Variants in KANK1 observed in about 807,000 individuals in gnomAD.
KANK1 encodes the protein KN motif and ankyrin repeat domain-containing protein 1.
In KANK1, 109 loss-of-function variants were observed where a neutral mutation model predicts 106.2. The ratio of observed to expected loss-of-function variants is 1.03; its 90% CI spans 0.88 to 1.20. The LOEUF (loss-of-function observed/expected upper bound fraction) is 1.20, where lower values mean the gene tolerates loss of function less well. Among genes scored for constraint, KANK1 ranks in the 50% most tolerant of loss-of-function variants. The pLI is 0.00. For missense variants in KANK1, 2,399 were observed against 1,710.7 expected (o/e 1.40, Z -7.10); for synonymous variants, 873 against 652.2 (o/e 1.34, Z -5.16).
upstream of KANK1, among the ~76,000 whole-genome samples, chr9:502,238 G>A (rs929755913): frequency 0.062 from 2 of 32 alleles, no homozygotes; most frequent in African/African-American, 0.2. Flanking sequence ...TTACTGGGAT[G>A]TCAATGTCTG....
At chr9:631,554 C>G (rs1835744553) in intron 1 of KANK1, among the ~76,000 whole-genome samples, 1 of 152,154 alleles carries the variant, frequency 6.6e-6, no homozygotes, top group Admixed American at 6.5e-5. Context: ...TTCCACATTC[C>G]TCCTCCTCTA....
intron 1 of KANK1, among the ~76,000 whole-genome samples, chr9:592,422 C>G (rs77308595): frequency 2.0e-5 from 3 of 151,682 alleles, no homozygotes; most frequent in Non-Finnish European, 2.9e-5. Flanking sequence ...AATAAATGCC[C>G]GCAGCACTGG....
At chr9:472,887 T>G (rs1032390674) in intron 2 of KANK1, among the ~76,000 whole-genome samples, 12 of 152,146 alleles carry the variant, frequency 7.9e-5, no homozygotes, top group Admixed American at 3.9e-4. Context: ...CTCCTAATGG[T>G]CAGCATGAGA....
chr9:725,788 G>C (rs182837606), intron 3 of KANK1, among the ~76,000 whole-genome samples: 190 of 152,158 alleles, frequency 1.2e-3, no homozygotes, highest in Non-Finnish European at 2.1e-3. Flanking sequence ...CTTGTTATTC[G>C]TTCTTTTTCT....
chr9:497,662 G>T (rs1432383695), intron 3 of KANK1, among the ~76,000 whole-genome samples: 1 of 152,120 alleles, frequency 6.6e-6, no homozygotes, highest in East Asian at 1.9e-4. Flanking sequence ...AGATCAGCCT[G>T]GGAAACATGG....
rs75237003 is a variant in KANK1, at chr9:724,463, A to T, written c.2699-5588A>T. Among the ~76,000 whole-genome samples the T allele has an allele frequency of 6.6e-3, 1,003 of 152,336 alleles. 9 individuals carry two copies. Among genetic ancestry groups the T allele is most frequent in the African/African-American group, 0.023 (961 of 41,578 alleles). On this transcript the variant is annotated intron_variant, in intron 3 of 11. Transcript: ENST00000382297. ...TGCATTTAAAAAGTCATTGTTGGTT[A>T]TTGAAGAGGAAAATGCTTCGTACAA...
At chr9:563,682 T>C (rs1817071570) in intron 1 of KANK1, among the ~76,000 whole-genome samples, 1 of 152,162 alleles carries the variant, frequency 6.6e-6, no homozygotes, top group Non-Finnish European at 1.5e-5. Context: ...GAGTCCAGAA[T>C]TGTAGTTATG....
chr9:617,773 A>G (rs1193476661), intron 1 of KANK1, among the ~76,000 whole-genome samples: 1 of 152,224 alleles, frequency 6.6e-6, no homozygotes, highest in Non-Finnish European at 1.5e-5. Flanking sequence ...GCATGTGCAC[A>G]CTTCAGATTG....
rs754352542 is a variant in KANK1, at chr9:712,640, T to C, written c.1874T>C (p.Val625Ala). 12 of 1,613,878 alleles carry C rather than the reference T, an allele frequency of 7.4e-6. No homozygotes were observed. Among genetic ancestry groups the C allele is most frequent in the Middle Eastern group, 1.6e-4 (1 of 6,084 alleles). The part of the protein sequence containing the change: ...LLKTNLNLKE[V>A]RSIGCGDCSV... Reference sequence around the variant, plus strand: ...AAGACAAACTTGAATCTCAAAGAAGTGCGGTCTATCGGTTGTGGAGATTGT... The same window carrying C: ...AAGACAAACTTGAATCTCAAAGAAGCGCGGTCTATCGGTTGTGGAGATTGT... The change falls in exon 3 of 12, where the codon GTG (valine) becomes GCG (alanine). Residue 625 changes from valine to alanine, a missense_variant. Physicochemically the swap from Val to Ala is moderately conservative, Grantham distance 64. Coordinates refer to ENST00000382297, the MANE Select transcript of KANK1 (RefSeq NM_015158.5).
Position 740,967 on chromosome 9 carries a change from C to T in KANK1, c.3696+33C>T. On this transcript the variant is annotated intron_variant, in intron 9 of 11. Transcript: ENST00000382297. Reference sequence around the variant, plus strand: ...CGCCTGGTTCCTGTGCTCAGGAATGCACCCGTAACCAGCAGACAGGACTGC... The same window carrying T: ...CGCCTGGTTCCTGTGCTCAGGAATGTACCCGTAACCAGCAGACAGGACTGC... 8 of 1,610,450 alleles carry T rather than the reference C, an allele frequency of 5.0e-6. No homozygotes were observed. The Middle Eastern group carries it at 5.0e-4, about 100-fold the overall frequency.
intron 3 of KANK1, among the ~76,000 whole-genome samples, chr9:482,116 C>T (rs1297133180): frequency 6.6e-6 from 1 of 152,132 alleles, no homozygotes; most frequent in Non-Finnish European, 1.5e-5. Flanking sequence ...TGGGCCCTAC[C>T]ACCTGCAGTC....
At chr9:504,493 G>A (rs1050138852), upstream of KANK1, among the ~76,000 whole-genome samples, 2 of 151,410 alleles carry the variant, frequency 1.3e-5, no homozygotes, top group Non-Finnish European at 2.9e-5. Context: ...CTGGGCGGAG[G>A]GAGCAGCCGG....
At chr9:704,596 C>A (rs989955987) in intron 2 of KANK1, among the ~76,000 whole-genome samples, 1 of 152,150 alleles carries the variant, frequency 6.6e-6, no homozygotes, top group Admixed American at 6.5e-5. Flanking sequence ...ATGGCCACCC[C>A]TATTCATTCA....
At chr9:697,373 A>AT (rs953426074) in intron 2 of KANK1, among the ~76,000 whole-genome samples, 26 of 150,960 alleles carry the variant, frequency 1.7e-4, no homozygotes, top group East Asian at 3.9e-4. Context: ...TAGAGTCACC[A>AT]TTTTTTTTTA....
rs9407354 is a variant in KANK1 at position 676,692 on chromosome 9, T to C, written c.-83-198T>C. On this transcript the variant is annotated intron_variant, in intron 1 of 11. Transcript: ENST00000382297. ...TATGTGTAGAGACCCCCTTTCAGTA[T>C]GTAGCCACTGGTACATCCGTGGGTG... Among the ~76,000 whole-genome samples the C allele has an allele frequency of 0.18, 27,856 of 152,158 alleles. 2,999 individuals carry two copies. The highest frequency in any genetic ancestry group is 0.32 in the East Asian group (1,660 of 5,172).
At chr9:641,879 T>C (rs2137172516) in intron 1 of KANK1, among the ~76,000 whole-genome samples, 1 of 152,316 alleles carries the variant, frequency 6.6e-6, no homozygotes, top group South Asian at 2.1e-4. Context: ...CAATGGTTTT[T>C]AGTAAATTAA....
intron 1 of KANK1, among the ~76,000 whole-genome samples, chr9:597,962 G>C (rs1419213880): frequency 3.3e-5 from 5 of 151,654 alleles, no homozygotes; most frequent in Non-Finnish European, 5.9e-5. Flanking sequence ...ACCACCCCTG[G>C]CCTCCCTATG....
chr9:617,209 G>C (rs955389271), intron 1 of KANK1, among the ~76,000 whole-genome samples: 9 of 152,036 alleles, frequency 5.9e-5, no homozygotes, highest in Non-Finnish European at 1.2e-4. Flanking sequence ...ATTTTACTGA[G>C]TCCAGTTCTT....
chr9:688,716 G>C (rs1819155222), intron 2 of KANK1, among the ~76,000 whole-genome samples: 1 of 152,180 alleles, frequency 6.6e-6, no homozygotes, highest in South Asian at 2.1e-4. Context: ...ATTGTCAGGG[G>C]CCATTTGGAA....
Sources: allele counts gnomAD v4.1 joint callset (sites outside exome capture counted in the v4.1 genomes callset), GRCh38; gene constraint gnomAD v4.1.1; transcripts MANE v1.5; gene names NCBI Gene and HGNC (gene_info 2026-07-23, HGNC 2026-07-21).